S100PBP: variants seen among roughly 807,000 people sequenced by gnomAD.
The protein encoded by S100PBP is S100P binding protein.
Under a neutral mutation model 39.9 loss-of-function variants are expected in S100PBP, and 15 were observed. That is an observed-to-expected ratio of 0.38 (90% confidence interval 0.25 to 0.58). S100PBP has a LOEUF of 0.58. S100PBP is among the 20% of genes least tolerant of loss of function. The probability of loss-of-function intolerance (pLI) is 0.70; values close to 1 mark genes in which losing one functional copy is unlikely to be tolerated. For missense variants in S100PBP, 504 were observed against 487.3 expected (o/e 1.03, Z -0.32); for synonymous variants, 178 against 180.3 (o/e 0.99, Z 0.10).
chr1:32,826,260 C>G lies in S100PBP; in HGVS notation c.161C>G (p.Thr54Arg). 1 of 1,614,108 alleles carries G rather than the reference C, an allele frequency of 6.2e-7. No homozygotes were observed. The highest frequency in any genetic ancestry group is 8.5e-7 in the Non-Finnish European group (1 of 1,180,002). ...GAAGATGATGGTGATGTAAATTACA[C>G]AGAGGAAGAGATTGATGCACTGTTG... ...GEEDDGDVNY[T>R]EEEIDALLKE... Residue 54 changes from threonine (T) to arginine (R), a missense_variant, in exon 3 of 7, where the codon ACA becomes AGA. Thr to Arg is a moderately conservative substitution (Grantham distance 71, BLOSUM62 -1). Coordinates refer to ENST00000373475, the MANE Select transcript of S100PBP (RefSeq NM_022753.4).
rs1639356514 is a variant in S100PBP, at chr1:32,826,868, G to C, written c.769G>C (p.Gly257Arg). 1.2e-6 allele frequency: 2 copies of C among 1,612,190 alleles called. No homozygotes were observed. Residue 257 changes from glycine to arginine, a missense_variant, in exon 3 of 7, where the codon GGT becomes CGT. Gly to Arg is a moderately radical substitution (Grantham distance 125, BLOSUM62 -2). Transcript: ENST00000373475. ...TAATATGGAGTTATCCTGCAGAAATGGTGGTTCACACAAGTCAAGTTGTGA... is the reference window on the plus strand; with the variant it reads ...TAATATGGAGTTATCCTGCAGAAATCGTGGTTCACACAAGTCAAGTTGTGA... ...TPNMELSCRN[G>R]GSHKSSCEMR...
chr1:32,832,186 G>A (rs1400977771), intron 5 of S100PBP, among the ~76,000 whole-genome samples: 4 of 152,148 alleles, frequency 2.6e-5, no homozygotes, highest in Middle Eastern at 3.4e-3. Flanking sequence ...AAATTATACG[G>A]GTATAAAGCA....
In S100PBP at chr1:32,826,320, G is replaced by A. The variant is rs746280819; in HGVS notation, c.221G>A (p.Gly74Glu). ...GACCCATCATATGAGCAGTCTTCTG[G>A]GGAAGATGATGGTGGGCATGTTGAG... Reference protein sequence around the residue: ...EDDPSYEQSSGEDDGGHVEKG... With the variant: ...EDDPSYEQSSEEDDGGHVEKG... Residue 74 changes from glycine to glutamate, a missense_variant, in exon 3 of 7, where the codon GGG becomes GAG. By Grantham distance (98) the Gly-to-Glu change is moderately conservative. Transcript: ENST00000373475. 4 of 1,614,064 alleles carry A rather than the reference G, an allele frequency of 2.5e-6. No homozygotes were observed. The highest frequency in any genetic ancestry group is 3.4e-6 in the Non-Finnish European group (4 of 1,179,976).
chr1:32,853,490 C>T (rs1216730541), intron 6 of S100PBP, among the ~76,000 whole-genome samples: 3 of 7,900 alleles, frequency 3.8e-4, no homozygotes, highest in African/African-American at 6.4e-4. Flanking sequence ...AAAGAAAAGG[C>T]GGTGGGGGGG....
chr1:32,826,758 A>G lies in S100PBP; in HGVS notation c.659A>G (p.Gln220Arg), dbSNP rs770866819. The stretch of plus-strand genomic sequence containing the variant: ...CTCTCTTCTTCAAACAATAACTTTC[A>G]ACAGACTGTCTCTGATAAAAATATG... ...PQLSSSNNNF[Q>R]QTVSDKNMPD... The change falls in exon 3 of 7, where the codon CAA (glutamine) becomes CGA (arginine). Residue 220 changes from glutamine (Q) to arginine (R), a missense_variant. Gln to Arg is a conservative substitution (Grantham distance 43). Coordinates refer to ENST00000373475, the MANE Select transcript of S100PBP (RefSeq NM_022753.4). 1.2e-6 allele frequency: 2 copies of G among 1,614,174 alleles called. No homozygotes were observed. The highest frequency in any genetic ancestry group is 2.2e-5 in the South Asian group (2 of 91,082).
At position 32,826,909 on chromosome 1, in the gene S100PBP, T is replaced by G; in HGVS notation, c.810T>G (p.Val270=). The change falls in exon 3 of 7, where the codon GTT becomes GTG. Residue 270 remains valine, a synonymous_variant. Coordinates refer to ENST00000373475, the MANE Select transcript of S100PBP (RefSeq NM_022753.4). The stretch of plus-strand genomic sequence containing the variant: ...CAAGTTGTGAAATGAGATCTCTGGT[T>G]GTTTCCACCTCATCAAACAAAGTAA... ...HKSSCEMRSL[V]VSTSSNKQDV... 3 of 1,583,470 alleles carry G rather than the reference T, an allele frequency of 1.9e-6. No individual in the cohort carries two copies. Among genetic ancestry groups the G allele is most frequent in the African/African-American group, 1.4e-5 (1 of 73,334 alleles).
intron 1 of S100PBP, among the ~76,000 whole-genome samples, chr1:32,824,525 C>T (rs1322531640): frequency 6.6e-6 from 1 of 151,658 alleles, no homozygotes; most frequent in African/African-American, 2.4e-5. Context: ...CCTTTATGGT[C>T]CCTGCGAGTT....
chr1:32,830,567 T>C (rs1236384692), intron 5 of S100PBP, among the ~76,000 whole-genome samples: 1 of 152,200 alleles, frequency 6.6e-6, no homozygotes, highest in African/African-American at 2.4e-5. Context: ...CCCCACTTCA[T>C]TAGAAGATAT....
intron 5 of S100PBP, 57 bp from the exon 6 acceptor site, chr1:32,853,022 C>A: frequency 8.6e-7 from 1 of 1,162,602 alleles, no homozygotes; most frequent in Non-Finnish European, 1.3e-6. Context: ...CATACTTTGA[C>A]GTTGGCTGAC....
chr1:32,829,876 A>G (rs202032458), intron 4 of S100PBP, 88 bp from the exon 5 acceptor site: 29 of 856,046 alleles, frequency 3.4e-5, no homozygotes, highest in East Asian at 2.7e-4. Flanking sequence ...GTTCTAATCA[A>G]TCAGCAGTAT....
At chr1:32,824,830 A>G in intron 1 of S100PBP, 1 of 7,158 alleles carries the variant, frequency 1.4e-4, no homozygotes, top group Non-Finnish European at 8.6e-4. Flanking sequence ...TTCTATACAT[A>G]TATATATATA....
rs1640835507 is a variant in S100PBP at position 32,856,905 on chromosome 1, G to A, written c.*867G>A. ...AGTATTCTTGTAACCTGTTAGACGT[G>A]GATATACCTCTTCAGGATGGCCTCC... On this transcript the variant is annotated 3_prime_UTR_variant, in exon 7 of 7. Transcript: ENST00000373475. 6.6e-6 allele frequency: 1 copy of A among 152,104 alleles called. No homozygotes were observed. Among genetic ancestry groups the A allele is most frequent in the African/African-American group, 2.4e-5 (1 of 41,408 alleles). The allele number at this position is 152,104 out of a possible 1,614,324, so 9.4% of individuals were successfully genotyped here. A position where few individuals can be genotyped will look rare whatever the true frequency, so the allele number is the denominator to read the frequency against.
At chr1:32,852,658 A>G (rs1438778298) in intron 5 of S100PBP, 5 of 155,600 alleles carry the variant, frequency 3.2e-5, no homozygotes, top group Admixed American at 2.5e-4. Flanking sequence ...GATCCCTGCT[A>G]TAGTTACTCC....
In S100PBP at chr1:32,838,946, G is replaced by A. The variant is rs569268035; in HGVS notation, c.1024+8879G>A. On this transcript the variant is annotated intron_variant, in intron 5 of 6. Transcript: ENST00000373475. ...TCCATTTCAATAATTTCTTGGTCTT[G>A]CACATCTGAAGCTTTGTTTTTTATT... 3.8e-4 allele frequency among the ~76,000 whole-genome samples: 58 copies of A among 151,752 alleles called. No homozygotes were observed. The South Asian group carries it at 0.011, about 28-fold the overall frequency.
At position 32,821,468 on chromosome 1, in the gene S100PBP, C is replaced by T. The variant is rs555278687; in HGVS notation, c.-120+3779C>T. Among the ~76,000 whole-genome samples, 6 of 151,494 alleles carry T rather than the reference C, an allele frequency of 4.0e-5. No individual in the cohort carries two copies. In the South Asian group the frequency reaches 6.3e-4, roughly 16 times the overall value. On this transcript the variant is annotated intron_variant, in intron 1 of 6. Transcript: ENST00000373475. ...TCTCGAATAGCTGGGGTTATAGGTG[C>T]GCGCCACCAAGCCCAGCTAATTTTT... is the stretch of plus-strand genomic sequence containing the variant.
intron 5 of S100PBP, among the ~76,000 whole-genome samples, chr1:32,832,009 T>C (rs1424607926): frequency 6.6e-6 from 1 of 152,224 alleles, no homozygotes; most frequent in Non-Finnish European, 1.5e-5. Flanking sequence ...GAAGAATAGC[T>C]AGAATAACTA....
chr1:32,837,677 T>C (rs991537928), intron 5 of S100PBP, among the ~76,000 whole-genome samples: 2 of 152,048 alleles, frequency 1.3e-5, no homozygotes, highest in East Asian at 3.9e-4. Context: ...CCAGGCAAGA[T>C]TGACCACTGA....
chr1:32,820,144 C>CTTTTTTTTTTTT (rs5773387), intron 1 of S100PBP, among the ~76,000 whole-genome samples: 1 of 104,828 alleles, frequency 9.5e-6, no homozygotes, highest in Non-Finnish European at 1.7e-5. Flanking sequence ...CGTTCCTATG[C>CTTTTTTTTTTTT]TTTTTTTTTT....
intron 5 of S100PBP, among the ~76,000 whole-genome samples, chr1:32,844,002 C>T (rs747493807): frequency 3.9e-5 from 6 of 152,086 alleles, no homozygotes; most frequent in African/African-American, 1.4e-4. Context: ...CAGTCTCCGC[C>T]TTCCAGGTTC....
Sources: gnomAD v4.1 joint callset for allele counts (sites outside exome capture counted in the v4.1 genomes callset) on GRCh38, gnomAD v4.1.1 for gene constraint, MANE v1.5 for transcripts, NCBI Gene and HGNC (gene_info 2026-07-23, HGNC 2026-07-21) for gene names.